FMN2: variants seen among roughly 807,000 people sequenced by gnomAD.
FMN2 encodes the protein formin-2.
A neutral mutation model predicts 142.3 loss-of-function variants in FMN2; 51 were observed. The ratio of observed to expected loss-of-function variants is 0.36; its 90% CI spans 0.29 to 0.45. FMN2 has a LOEUF of 0.45. Among genes scored for constraint, FMN2 ranks in the 20% least tolerant of loss-of-function variants. The pLI is 1.00. For missense variants in FMN2, 1,936 were observed against 2,122.8 expected, an observed-to-expected ratio of 0.91 and a Z score of 1.73; for synonymous variants, 882 against 869.8, an observed-to-expected ratio of 1.01 and a Z score of -0.25.
intron 7 of FMN2, among the ~76,000 whole-genome samples, chr1:240,286,277 A>G (rs1669587371): frequency 6.6e-6 from 1 of 152,178 alleles, no homozygotes; most frequent in Admixed American, 6.5e-5. Flanking sequence ...TGTATTCAGC[A>G]TAGCAACCTA....
intron 15 of FMN2, among the ~76,000 whole-genome samples, chr1:240,405,346 C>A (rs1279475267): frequency 6.6e-6 from 1 of 152,182 alleles, no homozygotes; most frequent in South Asian, 2.1e-4. Context: ...AGGCCGGGCG[C>A]GGTGCCTCAC....
rs180952219 is a variant in FMN2, at chr1:240,306,789, G to A, written c.4215+11906G>A. On this transcript the variant is annotated intron_variant, in intron 8 of 17. Coordinates refer to ENST00000319653, the MANE Select transcript of FMN2 (RefSeq NM_020066.5). ...CACTAATGGGATTGCTGGATTGAAT[G>A]GTATTTCTATTTTTAGTTCATTGGG... Among the ~76,000 whole-genome samples, 392 of 152,264 alleles carry A rather than the reference G, an allele frequency of 2.6e-3. 1 individual carries two copies. The highest frequency in any genetic ancestry group is 8.6e-3 in the African/African-American group (357 of 41,556).
intron 3 of FMN2, among the ~76,000 whole-genome samples, chr1:240,186,703 C>G (rs1665467347): frequency 6.6e-6 from 1 of 152,062 alleles, no homozygotes; most frequent in Admixed American, 6.6e-5. Context: ...TGGTGTGTGA[C>G]AAGACAAGTA....
At chr1:240,235,411 T>C (rs1206566088) in intron 6 of FMN2, among the ~76,000 whole-genome samples, 1 of 137,018 alleles carries the variant, frequency 7.3e-6, no homozygotes, top group East Asian at 2.2e-4. Context: ...TTTAATTAAT[T>C]TTTTGTTTTT....
chr1:240,274,135 A>G (rs1669111389), intron 7 of FMN2, among the ~76,000 whole-genome samples: 1 of 152,064 alleles, frequency 6.6e-6, no homozygotes, highest in East Asian at 1.9e-4. Flanking sequence ...TGGCAGTGGG[A>G]TACAGAAATA....
chr1:240,171,155 C>G lies in FMN2; in HGVS notation c.1783-6766C>G, dbSNP rs746179106. 1.4e-4 allele frequency: 144 copies of G among 1,010,574 alleles called. 1 individual carries two copies. Among genetic ancestry groups the G allele is most frequent in the Non-Finnish European group, 2.1e-4 (133 of 633,196 alleles). 62.6% of individuals were successfully genotyped at this position (1,010,574 alleles called of 1,614,324 possible). On this transcript the variant is annotated intron_variant, in intron 2 of 17. Transcript: ENST00000319653. The stretch of plus-strand genomic sequence containing the variant: ...GGGTGAAAGAGTGTAGAAAGTGTCC[C>G]AAAGTTGGTATCTGAATATGTGTCT...
chr1:240,270,091 C>T (rs965904945), intron 7 of FMN2, among the ~76,000 whole-genome samples: 6 of 152,018 alleles, frequency 3.9e-5, no homozygotes, highest in African/African-American at 1.2e-4. Context: ...TGAGAGTAGG[C>T]GTCCTTGTCT....
At chr1:240,413,984 C>T (rs1438498964) in intron 15 of FMN2, among the ~76,000 whole-genome samples, 1 of 152,136 alleles carries the variant, frequency 6.6e-6, no homozygotes, top group South Asian at 2.1e-4. Context: ...TATCGTTGGG[C>T]TAGTGAAACA....
At chr1:240,165,364 C>T (rs116131588) in intron 2 of FMN2, among the ~76,000 whole-genome samples, 205 of 152,060 alleles carry the variant, frequency 1.3e-3, no homozygotes, top group African/African-American at 4.4e-3. Context: ...TTTGTAGGGA[C>T]GGGGTCTCTC....
chr1:240,228,303 CAAAAAAAAAAAAAAAAA>C (rs577421634), intron 6 of FMN2, among the ~76,000 whole-genome samples: 692 of 47,768 alleles, frequency 0.014, 23 homozygotes, highest in African/African-American at 0.039. Context: ...AACTCTGTCT[CAAAAAAAAAAAAAAAAA>C]AAAAAAAAAA....
At chr1:240,447,632 C>T (rs1350377516) in intron 16 of FMN2, among the ~76,000 whole-genome samples, 1 of 152,196 alleles carries the variant, frequency 6.6e-6, no homozygotes, top group Non-Finnish European at 1.5e-5. Context: ...ATGGCAAAAA[C>T]TGCAATTACT....
intron 14 of FMN2, among the ~76,000 whole-genome samples, chr1:240,360,818 G>A (rs967158721): frequency 6.6e-5 from 10 of 152,102 alleles, no homozygotes; most frequent in East Asian, 3.9e-4. Flanking sequence ...CATGTTCTTC[G>A]TAGGGACGTG....
intron 2 of FMN2, among the ~76,000 whole-genome samples, chr1:240,137,058 A>C (rs1210794714): frequency 1.5e-5 from 2 of 134,966 alleles, no homozygotes; most frequent in East Asian, 4.5e-4. Context: ...TGACAGAGTG[A>C]AACTCCGTCT....
intron 8 of FMN2, among the ~76,000 whole-genome samples, chr1:240,319,737 A>G (rs1323121756): frequency 2.0e-5 from 3 of 152,130 alleles, no homozygotes; most frequent in Admixed American, 6.5e-5. Context: ...TAACTAATGT[A>G]TAAGTGTGGA....
intron 14 of FMN2, among the ~76,000 whole-genome samples, chr1:240,360,003 G>T (rs541776034): frequency 3.3e-5 from 5 of 152,206 alleles, no homozygotes; most frequent in African/African-American, 9.6e-5. Flanking sequence ...TCATCTCTTT[G>T]CTTTCTCCAT....
At chr1:240,373,040 C>T (rs990747632) in intron 14 of FMN2, among the ~76,000 whole-genome samples, 5 of 151,974 alleles carry the variant, frequency 3.3e-5, no homozygotes, top group African/African-American at 9.7e-5. Context: ...CAAAAAGTAG[C>T]GCGCGTGGTG....
At chr1:240,442,758 G>A (rs10926260) in intron 16 of FMN2, among the ~76,000 whole-genome samples, 12,990 of 152,232 alleles carry the variant, frequency 0.085, 752 homozygotes, top group East Asian at 0.31. Flanking sequence ...GATGACGCAT[G>A]TGATTTGGTT....
rs200409292 is a variant in FMN2 at position 240,416,905 on chromosome 1, A to G, written c.4911-21156A>G. On this transcript the variant is annotated intron_variant, in intron 15 of 17. Transcript: ENST00000319653. ...TATTTTTAATTTTTCTTTTTTTAAA[A>G]TCATATACTCAGAGCTCTAGCTTTG... Among the ~76,000 whole-genome samples, 3 of 151,876 alleles carry G rather than the reference A, an allele frequency of 2.0e-5. No homozygotes were observed. The East Asian group carries it at 5.8e-4, about 29-fold the overall frequency.
intron 6 of FMN2, among the ~76,000 whole-genome samples, chr1:240,255,050 G>A (rs1216541108): frequency 2.0e-5 from 3 of 152,178 alleles, no homozygotes; most frequent in South Asian, 2.1e-4. Flanking sequence ...CCATGGCTAC[G>A]ATTGCAGGAG....
Sources: gnomAD v4.1 joint callset for allele counts (sites outside exome capture counted in the v4.1 genomes callset) on GRCh38, gnomAD v4.1.1 for gene constraint, MANE v1.5 for transcripts, NCBI Gene and HGNC (gene_info 2026-07-23, HGNC 2026-07-21) for gene names.